Variants in AGBL3 observed in about 807,000 individuals in gnomAD.
AGBL3 encodes the protein cytosolic carboxypeptidase 3.
Under a neutral mutation model 94.5 loss-of-function variants are expected in AGBL3, and 68 were observed. The observed-to-expected ratio is 0.72, with a 90% CI of 0.59 to 0.88. The LOEUF is 0.88. Ranked by LOEUF, AGBL3 falls within the 40% of genes least tolerant of loss-of-function variation. The pLI is 0.00. For synonymous variants in AGBL3, 354 were observed against 370.7 expected, an observed-to-expected ratio of 0.95 and a Z score of 0.52; for missense variants, 934 against 1,103.8, an observed-to-expected ratio of 0.85 and a Z score of 2.18.
At chr7:135,062,294 T>A (rs12667851) in intron 12 of AGBL3, among the ~76,000 whole-genome samples, 67,269 of 151,856 alleles carry the variant, frequency 0.44, 15,522 homozygotes, top group East Asian at 0.78. Context: ...TGTTCTTTGA[T>A]GGGAGTTTTC....
rs943214223 is a variant in AGBL3 at position 135,034,635 on chromosome 7, C to T, written c.1044C>T (p.Asn348=). The T allele has an allele frequency of 3.2e-6, 5 of 1,551,562 alleles. No individual in the cohort carries two copies. The Admixed American group carries it at 7.8e-5, about 24-fold the overall frequency. Reference sequence around the variant, plus strand: ...TAACAATCACTACCCCCTTGAAGAACTCTGACTCAAGAAAGCGGAAGGCTG... The same window carrying T: ...TAACAATCACTACCCCCTTGAAGAATTCTGACTCAAGAAAGCGGAAGGCTG... ...YILTITTPLK[N]SDSRKRKAVI... Residue 348 remains asparagine, a synonymous_variant, in exon 7 of 17, where the codon AAC becomes AAT. Coordinates refer to ENST00000436302, the MANE Select transcript of AGBL3 (RefSeq NM_178563.4).
At chr7:135,124,738 A>C (rs1827619051) in intron 16 of AGBL3, among the ~76,000 whole-genome samples, 1 of 152,220 alleles carries the variant, frequency 6.6e-6, no homozygotes, top group African/African-American at 2.4e-5. Flanking sequence ...CTCAGGATTA[A>C]AAAACTCACT....
intron 11 of AGBL3, among the ~76,000 whole-genome samples, chr7:135,058,397 A>G (rs1818522388): frequency 6.6e-6 from 1 of 152,120 alleles, no homozygotes; most frequent in Non-Finnish European, 1.5e-5. Flanking sequence ...GATTTGTTTG[A>G]CCCTTTTTTC....
In AGBL3 at chr7:135,122,348, A is replaced by G. The variant is rs190452118; in HGVS notation, c.2342+6737A>G. Among the ~76,000 whole-genome samples the G allele has an allele frequency of 4.2e-4, 64 of 152,260 alleles. 1 individual carries two copies. The East Asian group carries it at 7.9e-3, about 19-fold the overall frequency. On this transcript the variant is annotated intron_variant, in intron 16 of 16. Transcript: ENST00000436302. Reference sequence around the variant, plus strand: ...GTGGGGCTTTCCTGCAGGAACTTCAATAACTCCAGCCAGAGGCTCAGGGAC... The same window carrying G: ...GTGGGGCTTTCCTGCAGGAACTTCAGTAACTCCAGCCAGAGGCTCAGGGAC...
chr7:135,025,945 TA>T (rs1815045098), intron 5 of AGBL3, among the ~76,000 whole-genome samples: 1 of 151,628 alleles, frequency 6.6e-6, no homozygotes, highest in Non-Finnish European at 1.5e-5. Context: ...TCTTGACCTA[TA>T]AAAAGACTTA....
intron 15 of AGBL3, among the ~76,000 whole-genome samples, chr7:135,085,309 T>C (rs1231920575): frequency 1.3e-5 from 2 of 152,190 alleles, no homozygotes; most frequent in African/African-American, 4.8e-5. Flanking sequence ...CTCTTGATTA[T>C]CTGTTGATTG....
At chr7:135,027,381 G>A (rs992364857) in intron 5 of AGBL3, among the ~76,000 whole-genome samples, 1 of 151,088 alleles carries the variant, frequency 6.6e-6, no homozygotes, top group Non-Finnish European at 1.5e-5. Context: ...ACCTTTTTTT[G>A]TTTGTTTTAA....
At chr7:135,111,068 T>G (rs1031363585) in intron 15 of AGBL3, among the ~76,000 whole-genome samples, 1 of 152,334 alleles carries the variant, frequency 6.6e-6, no homozygotes, top group Non-Finnish European at 1.5e-5. Flanking sequence ...ATCTCCCCTT[T>G]ACCCTCAGTA....
At chr7:135,024,689 G>A (rs1814896054) in intron 5 of AGBL3, among the ~76,000 whole-genome samples, 1 of 152,164 alleles carries the variant, frequency 6.6e-6, no homozygotes, top group South Asian at 2.1e-4. Flanking sequence ...GAATCTGGAT[G>A]GCAAGGAATC....
rs185712228 is a variant in AGBL3 at position 135,119,222 on chromosome 7, C to T, written c.2342+3611C>T. ...CCCAAAGAAATTCATGCCAAGATAC[C>T]CCAAAATTTAAATTTTTTTTTTTTT... On this transcript the variant is annotated intron_variant, in intron 16 of 16. Coordinates refer to ENST00000436302, the MANE Select transcript of AGBL3 (RefSeq NM_178563.4). 5.8e-4 allele frequency among the ~76,000 whole-genome samples: 88 copies of T among 151,918 alleles called. No individual in the cohort carries two copies. In the Middle Eastern group the frequency reaches 0.014, roughly 23 times the overall value.
Position 135,034,652 on chromosome 7 carries a change from G to C in AGBL3, c.1061G>C (p.Arg354Pro), listed in dbSNP as rs370765062. Residue 354 changes from arginine (R) to proline (P), a missense_variant, in exon 7 of 17, where the codon CGG becomes CCG. Physicochemically the swap from Arg to Pro is moderately radical, Grantham distance 103 (BLOSUM62 -2). Transcript: ENST00000436302. ...TPLKNSDSRK[R>P]KAVILTARVH... ...TTGAAGAACTCTGACTCAAGAAAGC[G>C]GAAGGCTGTGATTCTGACTGCAAGG... The C allele has an allele frequency of 2.5e-5, 39 of 1,551,576 alleles. No homozygotes were observed. The highest frequency in any genetic ancestry group is 3.4e-5 in the Non-Finnish European group (39 of 1,146,954).
chr7:135,134,703 T>C, intron 16 of AGBL3, 138 bp from the exon 17 acceptor site: 1 of 795,696 alleles, frequency 1.3e-6, no homozygotes. Flanking sequence ...GACTTCTAAA[T>C]GATGGTAAAA....
intron 15 of AGBL3, among the ~76,000 whole-genome samples, chr7:135,114,379 T>C (rs576009203): frequency 6.6e-6 from 1 of 152,238 alleles, no homozygotes; most frequent in Non-Finnish European, 1.5e-5. Flanking sequence ...GAGGTTTTTT[T>C]TGATAGCAGC....
chr7:135,051,238 C>T (rs1817847208), intron 11 of AGBL3: 1 of 197,212 alleles, frequency 5.1e-6, no homozygotes, highest in South Asian at 7.8e-5. Flanking sequence ...TGAGTTAGTG[C>T]CCCTGCAACC....
chr7:135,106,748 C>T (rs917514262), intron 15 of AGBL3, among the ~76,000 whole-genome samples: 12 of 152,120 alleles, frequency 7.9e-5, no homozygotes, highest in Non-Finnish European at 1.8e-4. Context: ...GGGGAGGAGT[C>T]CCTCCTCCTC....
chr7:135,034,342 G>A lies in AGBL3; in HGVS notation c.751G>A (p.Ala251Thr), dbSNP rs1205350210. 1.9e-6 allele frequency: 3 copies of A among 1,551,628 alleles called. No homozygotes were observed. The South Asian group carries it at 3.6e-5, about 18-fold the overall frequency. Residue 251 changes from alanine to threonine, a missense_variant, in exon 7 of 17, where the codon GCT (alanine) becomes ACT (threonine). Ala to Thr is a moderately conservative substitution (Grantham distance 58, BLOSUM62 0). This residue lies in a region of AGBL3 where 488 missense variants were observed against 563.6 expected (regional missense o/e 0.87). Coordinates refer to ENST00000436302, the MANE Select transcript of AGBL3 (RefSeq NM_178563.4). ...GTTCTATTCTGAAAAAGAGGCCAAG[G>A]CTCATCACATTGGCTGGCAGAGAAT... ...PLFYSEKEAK[A>T]HHIGWQRIGD...
intron 12 of AGBL3, among the ~76,000 whole-genome samples, chr7:135,064,738 T>C (rs1819133156): frequency 6.6e-6 from 1 of 152,172 alleles, no homozygotes; most frequent in Admixed American, 6.5e-5. Flanking sequence ...AATGGTAAAA[T>C]AGTTAACTTA....
chr7:135,072,419 T>C (rs1820008821), intron 12 of AGBL3, among the ~76,000 whole-genome samples: 1 of 152,190 alleles, frequency 6.6e-6, no homozygotes, highest in African/African-American at 2.4e-5. Flanking sequence ...ACTGGGTATA[T>C]ACCCAGAGGA....
intron 5 of AGBL3, among the ~76,000 whole-genome samples, chr7:135,018,124 G>C (rs1028704192): frequency 3.9e-5 from 6 of 152,142 alleles, no homozygotes; most frequent in African/African-American, 1.4e-4. Context: ...ATTAACAAGG[G>C]ATGGTGAAGC....
Sources: allele counts gnomAD v4.1 joint callset (sites outside exome capture counted in the v4.1 genomes callset), GRCh38; gene constraint gnomAD v4.1.1; regional missense constraint gnomAD v4.1.1; transcripts MANE v1.5; gene names NCBI Gene and HGNC (gene_info 2026-07-23, HGNC 2026-07-21).